Variants in DOK7 observed in about 807,000 individuals in gnomAD.
DOK7 encodes the protein docking protein 7.
Under a neutral mutation model 30.7 loss-of-function variants are expected in DOK7, and 32 were observed. The observed-to-expected ratio is 1.04, with a 90% CI of 0.79 to 1.40. The LOEUF (loss-of-function observed/expected upper bound fraction) is 1.40. Ranked by LOEUF, DOK7 falls within the 40% of genes most tolerant of loss-of-function variation. DOK7 has a pLI of 0.00. For missense variants in DOK7, 1,007 were observed against 699.2 expected (o/e 1.44, Z -4.97); for synonymous variants, 447 against 324.1 (o/e 1.38, Z -4.07).
In DOK7 at chr4:3,494,255, G is replaced by T; in HGVS notation, c.*754G>T. On this transcript the variant is annotated 3_prime_UTR_variant, in exon 7 of 7. Transcript: ENST00000340083. ...AACCTCCTCGCAGGGCCAAAGGCTGGCTTGGCCTGTGTTTCCCCTGGCCCA... is the reference window on the plus strand; with the variant it reads ...AACCTCCTCGCAGGGCCAAAGGCTGTCTTGGCCTGTGTTTCCCCTGGCCCA... 1 of 985,526 alleles carries T rather than the reference G, an allele frequency of 1.0e-6. No individual in the cohort carries two copies. The highest frequency in any genetic ancestry group is 1.2e-6 in the Non-Finnish European group (1 of 830,008). The allele number at this position is 985,526 out of a possible 1,614,324, so 61.0% of individuals were successfully genotyped here.
At chr4:3,464,150 C>A (rs1212942954) in intron 2 of DOK7, among the ~76,000 whole-genome samples, 2 of 152,182 alleles carry the variant, frequency 1.3e-5, no homozygotes, top group African/African-American at 2.4e-5. Flanking sequence ...CAGCGCTGGG[C>A]CTGTAGGGAG....
rs1727730943 is a variant in DOK7 at position 3,485,653 on chromosome 4, T to G, written c.647T>G (p.Leu216Arg). 6.3e-7 allele frequency: 1 copy of G among 1,589,246 alleles called. No homozygotes were observed. The highest frequency in any genetic ancestry group is 1.4e-5 in the African/African-American group (1 of 73,926). Residue 216 changes from leucine to arginine, a missense_variant, in exon 5 of 7, where the codon CTA becomes CGA. Physicochemically the swap from Leu to Arg is moderately radical, Grantham distance 102. Coordinates refer to ENST00000340083, the MANE Select transcript of DOK7 (RefSeq NM_173660.5). The stretch of plus-strand genomic sequence containing the variant: ...GGCCCCTTTGGGCTGCGGCCGGTTC[T>G]ACCAGGTGCGTGTGGGAGCCTGGCC... ...TKGPFGLRPVLPDPSPPGPST... is the reference protein window; with the variant it reads ...TKGPFGLRPVRPDPSPPGPST...
intron 4 of DOK7, among the ~76,000 whole-genome samples, chr4:3,477,250 G>A (rs575801580): frequency 6.6e-6 from 1 of 152,392 alleles, no homozygotes; most frequent in Non-Finnish European, 1.5e-5. Context: ...TCCCCGCGGA[G>A]GGTGTGACGC....
chr4:3,489,584 G>T, intron 5 of DOK7, 93 bp from the exon 6 acceptor site: 4 of 1,543,964 alleles, frequency 2.6e-6, no homozygotes, highest in Admixed American at 2.0e-5. Flanking sequence ...TCCACAGAGG[G>T]GGATAACCAC....
chr4:3,496,718 G>C, downstream of DOK7: 1 of 1,340,964 alleles, frequency 7.5e-7, no homozygotes, highest in Non-Finnish European at 1.0e-6. Flanking sequence ...CCCCCAGCCT[G>C]TGTCACTCTT....
At position 3,483,325 on chromosome 4, in the gene DOK7, C is replaced by G. The variant is rs2699436; in HGVS notation, c.533-2214C>G. On this transcript the variant is annotated intron_variant, in intron 4 of 6. Coordinates refer to ENST00000340083, the MANE Select transcript of DOK7 (RefSeq NM_173660.5). ...AGGGAGCTTTGAGCATTCCCAAGAC[C>G]GGGGGGGGCTGGGTGGGAGCGGGGG... Among the ~76,000 whole-genome samples the G allele has an allele frequency of 9.8e-5, 13 of 133,078 alleles. 1 individual carries two copies. Among genetic ancestry groups the G allele is most frequent in the East Asian group, 2.2e-4 (1 of 4,452 alleles). 87.3% of individuals were successfully genotyped at this position (133,078 alleles called of 152,430 possible). A position where few individuals can be genotyped will look rare whatever the true frequency, so the allele number is the denominator to read the frequency against.
Position 3,476,399 on chromosome 4 carries a change from C to T in DOK7, c.389C>T (p.Thr130Ile). The part of the protein sequence containing the change: ...PGTKLESGPA[T>I]LHLCNDVLVL... ...ACCAAGTTGGAGAGCGGCCCGGCTA[C>T]CCTGCACCTCTGCAATGATGTCCTC... is the stretch of plus-strand genomic sequence containing the variant. The change falls in exon 4 of 7, where the codon ACC (threonine) becomes ATC (isoleucine). Residue 130 changes from threonine (T) to isoleucine (I), a missense_variant. Transcript: ENST00000340083. 2 of 1,613,250 alleles carry T rather than the reference C, an allele frequency of 1.2e-6. No homozygotes were observed. The highest frequency in any genetic ancestry group is 1.3e-5 in the African/African-American group (1 of 74,978).
At chr4:3,496,490 T>C (rs1010513266), downstream of DOK7, among the ~76,000 whole-genome samples, 1 of 152,208 alleles carries the variant, frequency 6.6e-6, no homozygotes, top group African/African-American at 2.4e-5. Context: ...AAAGCTCTAA[T>C]AGCAAAATAG....
At chr4:3,471,671 T>TA (rs1043249437) in intron 2 of DOK7, among the ~76,000 whole-genome samples, 1 of 152,258 alleles carries the variant, frequency 6.6e-6, no homozygotes, top group African/African-American at 2.4e-5. Flanking sequence ...ACATTGCTGT[T>TA]ACGGCGAATT....
At chr4:3,486,827 G>A (rs1053128156) in intron 5 of DOK7, among the ~76,000 whole-genome samples, 8 of 152,188 alleles carry the variant, frequency 5.3e-5, no homozygotes, top group East Asian at 1.9e-4. Flanking sequence ...TGTGCAAGGC[G>A]AGGGTGTGCA....
downstream of DOK7, among the ~76,000 whole-genome samples, chr4:3,498,135 G>C (rs981640689): frequency 6.6e-6 from 1 of 152,180 alleles, no homozygotes; most frequent in Non-Finnish European, 1.5e-5. Flanking sequence ...GGCGGGGTCT[G>C]GGAGGAGAGT....
At chr4:3,465,041 G>A (rs1168949944) in intron 2 of DOK7, among the ~76,000 whole-genome samples, 1 of 152,160 alleles carries the variant, frequency 6.6e-6, no homozygotes, top group East Asian at 1.9e-4. Flanking sequence ...GCCCCCTCTG[G>A]GTGGATGTTC....
rs1454677551 is a variant in DOK7, at chr4:3,478,158, G to A, written c.532+1616G>A. 2.0e-5 allele frequency among the ~76,000 whole-genome samples: 3 copies of A among 152,192 alleles called. 1 individual carries two copies. Among genetic ancestry groups the A allele is most frequent in the South Asian group, 4.1e-4 (2 of 4,826 alleles). Reference sequence around the variant, plus strand: ...CCTTGGCACGGGCAGGCAGCCGGCCGGGGTGGCGCCGCGTGCTCACCCTCT... The same window carrying A: ...CCTTGGCACGGGCAGGCAGCCGGCCAGGGTGGCGCCGCGTGCTCACCCTCT... On this transcript the variant is annotated intron_variant, in intron 4 of 6. Coordinates refer to ENST00000340083, the MANE Select transcript of DOK7 (RefSeq NM_173660.5).
chr4:3,469,210 CCT>C (rs1726599916), intron 2 of DOK7, among the ~76,000 whole-genome samples: 2 of 149,922 alleles, frequency 1.3e-5, no homozygotes, highest in Non-Finnish European at 3.0e-5. Flanking sequence ...AGTGTGTGTG[CCT>C]CTGTGTGAGT....
chr4:3,499,147 G>T (rs76727478), downstream of DOK7, among the ~76,000 whole-genome samples: 17,073 of 152,274 alleles, frequency 0.11, 1,294 homozygotes, highest in South Asian at 0.24. Flanking sequence ...ATGCATCCCT[G>T]GGGCAGGGAG....
rs1374098055 is a variant in DOK7 at position 3,476,511 on chromosome 4, C to T, written c.501C>T (p.Phe167=). The change falls in exon 4 of 7, where the codon TTC becomes TTT. Residue 167 remains phenylalanine (F), a synonymous_variant. Coordinates refer to ENST00000340083, the MANE Select transcript of DOK7 (RefSeq NM_173660.5). ...LRRYGAVPSG[F]IFEGGTRCGY... ...GCTACGGGGCCGTGCCAAGCGGATT[C>T]ATCTTTGAAGGCGGGACCAGGTGTG... The T allele has an allele frequency of 3.7e-6, 6 of 1,613,928 alleles. No homozygotes were observed. The highest frequency in any genetic ancestry group is 5.1e-6 in the Non-Finnish European group (6 of 1,180,026).
At chr4:3,483,631 G>A (rs988690780) in intron 4 of DOK7, among the ~76,000 whole-genome samples, 1 of 152,198 alleles carries the variant, frequency 6.6e-6, no homozygotes, top group South Asian at 2.1e-4. Context: ...ATGCGGGGCC[G>A]GCTCCACTCC....
At chr4:3,485,287 C>A (rs945327395) in intron 4 of DOK7, 2 of 460,284 alleles carry the variant, frequency 4.3e-6, no homozygotes, top group South Asian at 4.6e-5. Flanking sequence ...TTGAAGGGTG[C>A]GGCGGGGTCC....
rs540158958 is a variant in DOK7 at position 3,467,167 on chromosome 4, C to T, written c.100+3616C>T. 5.3e-5 allele frequency among the ~76,000 whole-genome samples: 8 copies of T among 150,914 alleles called. No homozygotes were observed. The South Asian group carries it at 1.1e-3, about 20-fold the overall frequency. ...CGCAGCCACTTCTGCGGACTCCCATCGTGTTCAGTGTGGGCGGGGACCCCC... is the reference window on the plus strand; with the variant it reads ...CGCAGCCACTTCTGCGGACTCCCATTGTGTTCAGTGTGGGCGGGGACCCCC... On this transcript the variant is annotated intron_variant, in intron 2 of 6. Transcript: ENST00000340083.
Sources: gnomAD v4.1 joint callset for allele counts (sites outside exome capture counted in the v4.1 genomes callset) on GRCh38, gnomAD v4.1.1 for gene constraint, MANE v1.5 for transcripts, NCBI Gene and HGNC (gene_info 2026-07-23, HGNC 2026-07-21) for gene names.